Variants in ERG observed in about 807,000 individuals in gnomAD.
ERG encodes ETS transcription factor ERG, also known as transcriptional regulator ERG.
In ERG, 9 loss-of-function variants were observed where a neutral mutation model predicts 55.3. The observed-to-expected ratio is 0.16, with a 90% CI of 0.10 to 0.28. The LOEUF is 0.28. ERG is among the 10% of genes least tolerant of loss of function. The pLI, the probability that ERG is intolerant of heterozygous loss-of-function variation, is 1.00. For synonymous variants in ERG, 223 were observed against 237.3 expected, an observed-to-expected ratio of 0.94 and a Z score of 0.55; for missense variants, 434 against 631.6, an observed-to-expected ratio of 0.69 and a Z score of 3.35.
At chr21:38,628,571 G>C (rs752371414) in intron 1 of ERG, among the ~76,000 whole-genome samples, 1 of 152,186 alleles carries the variant, frequency 6.6e-6, no homozygotes, top group Non-Finnish European at 1.5e-5. Context: ...GGAGAAAAGA[G>C]AGAGCTGGCT....
intron 1 of ERG, among the ~76,000 whole-genome samples, chr21:38,464,260 C>T (rs768795268): frequency 4.6e-5 from 7 of 152,038 alleles, no homozygotes; most frequent in Non-Finnish European, 8.8e-5. Flanking sequence ...TTCTGGTTTC[C>T]GTGTTTTTCC....
chr21:38,589,604 G>A (rs749120572), upstream of ERG, among the ~76,000 whole-genome samples: 2 of 152,200 alleles, frequency 1.3e-5, no homozygotes, highest in Non-Finnish European at 2.9e-5. Context: ...GGACTTCTAG[G>A]AAAAGTGTTG....
intron 1 of ERG, among the ~76,000 whole-genome samples, chr21:38,486,179 C>T (rs543682926): frequency 1.3e-5 from 2 of 151,948 alleles, no homozygotes; most frequent in Non-Finnish European, 2.9e-5. Flanking sequence ...GTGATCTGCC[C>T]GCCTCAGCCT....
chr21:38,568,921 G>C (rs1013179877), intron 2 of ERG, among the ~76,000 whole-genome samples: 5 of 152,232 alleles, frequency 3.3e-5, no homozygotes, highest in Non-Finnish European at 5.9e-5. Flanking sequence ...CCTCTGCCAG[G>C]AGGCTTACAG....
chr21:38,647,514 T>A (rs965422157), intron 1 of ERG, among the ~76,000 whole-genome samples: 1 of 152,176 alleles, frequency 6.6e-6, no homozygotes, highest in African/African-American at 2.4e-5. Context: ...GTATTAAATT[T>A]TCATGTGAGG....
In ERG at chr21:38,528,136, G is replaced by A. The variant is rs549230993; in HGVS notation, c.-41+47526C>T. Reference sequence around the variant, plus strand: ...GCATCATCCCAATCTCTGCTTTTGCGTTCACATGGCCTTCTCCTCATATAC... The same window carrying A: ...GCATCATCCCAATCTCTGCTTTTGCATTCACATGGCCTTCTCCTCATATAC... On this transcript the variant is annotated intron_variant, in intron 2 of 8. Coordinates refer to the ERG transcript ENST00000398897. Among the ~76,000 whole-genome samples the A allele has an allele frequency of 1.4e-3, 189 of 135,294 alleles. 1 individual carries two copies. Among genetic ancestry groups the A allele is most frequent in the African/African-American group, 4.4e-3 (182 of 41,136 alleles). 88.8% of individuals were successfully genotyped at this position (135,294 alleles called of 152,430 possible).
At chr21:38,388,544 A>G (rs192052753) in intron 9 of ERG, among the ~76,000 whole-genome samples, 39 of 152,378 alleles carry the variant, frequency 2.6e-4, no homozygotes, top group African/African-American at 9.4e-4. Flanking sequence ...AAGCATTGTC[A>G]TTAATACAAA....
chr21:38,372,760 T>C, the ERG span, among the ~76,000 whole-genome samples: 3 of 152,116 alleles, frequency 2.0e-5, no homozygotes, highest in Non-Finnish European at 2.9e-5. Context: ...AGAATTTGTA[T>C]TTTTTAGTTG....
intron 1 of ERG, among the ~76,000 whole-genome samples, chr21:38,449,371 C>T (rs563976248): frequency 6.6e-6 from 1 of 152,202 alleles, no homozygotes; most frequent in Admixed American, 6.5e-5. Flanking sequence ...CAAATTACCC[C>T]CAAACAAAAG....
chr21:38,449,813 T>C (rs985084448), intron 1 of ERG, among the ~76,000 whole-genome samples: 1 of 152,200 alleles, frequency 6.6e-6, no homozygotes, highest in Non-Finnish European at 1.5e-5. Flanking sequence ...CCATCATACT[T>C]AACCTCTTTT....
rs1987459280 is a variant in ERG at position 38,381,948 on chromosome 21, A to G, written c.*1455T>C. On this transcript the variant is annotated 3_prime_UTR_variant, in exon 10 of 10. Coordinates refer to ENST00000288319, the MANE Select transcript of ERG (RefSeq NM_182918.4). ...CCTGGACAAAGTAAATTATAACACA[A>G]AATCCACAACATTCAGCACATGTTT... The G allele has an allele frequency of 9.4e-7, 1 of 1,062,914 alleles. No individual in the cohort carries two copies. 65.8% of individuals were successfully genotyped at this position (1,062,914 alleles called of 1,614,324 possible).
intron 2 of ERG, among the ~76,000 whole-genome samples, chr21:38,424,299 C>A (rs1210496201): frequency 6.6e-6 from 1 of 151,982 alleles, no homozygotes; most frequent in African/African-American, 2.4e-5. Flanking sequence ...CAGAGACTGG[C>A]CCTGCTGGTG....
intron 3 of ERG, among the ~76,000 whole-genome samples, chr21:38,413,767 GCT>G (rs1989160555): frequency 6.6e-6 from 1 of 152,012 alleles, no homozygotes; most frequent in Non-Finnish European, 1.5e-5. Flanking sequence ...CATTGTGTGT[GCT>G]CATCATGTTT....
At chr21:38,403,768 G>A (rs1463091702) in intron 3 of ERG, 59 bp from the exon 4 acceptor site, 6 of 1,526,080 alleles carry the variant, frequency 3.9e-6, no homozygotes, top group South Asian at 1.1e-5. Context: ...TCATCTTGGG[G>A]TAGATCCCCA....
At chr21:38,589,132 A>G (rs1306504341), upstream of ERG, among the ~76,000 whole-genome samples, 1 of 152,200 alleles carries the variant, frequency 6.6e-6, no homozygotes, top group African/African-American at 2.4e-5. Flanking sequence ...ACCACGTGTA[A>G]GCAGCAGTGA....
intron 3 of ERG, among the ~76,000 whole-genome samples, chr21:38,413,990 T>C (rs949301153): frequency 3.3e-5 from 5 of 152,222 alleles, no homozygotes; most frequent in Admixed American, 2.0e-4. Flanking sequence ...CGTAACCAAG[T>C]ACCACAAAAT....
chr21:38,493,336 A>G (rs1054373798), intron 1 of ERG, among the ~76,000 whole-genome samples: 2 of 152,216 alleles, frequency 1.3e-5, no homozygotes, highest in African/African-American at 2.4e-5. Context: ...TGTTAGTAAC[A>G]TGGGAAAATG....
At chr21:38,513,558 T>G (rs2059530354) in intron 2 of ERG, among the ~76,000 whole-genome samples, 2 of 152,222 alleles carry the variant, frequency 1.3e-5, no homozygotes, top group Admixed American at 6.5e-5. Context: ...AAAATCCTTC[T>G]GATTAGAGCA....
intron 2 of ERG, among the ~76,000 whole-genome samples, chr21:38,555,894 T>C (rs894619935): frequency 6.6e-6 from 1 of 152,178 alleles, no homozygotes; most frequent in South Asian, 2.1e-4. Flanking sequence ...AAATTGGAAA[T>C]ATATGTAAAA....
Sources: gnomAD v4.1 joint callset for allele counts (sites outside exome capture counted in the v4.1 genomes callset) on GRCh38, gnomAD v4.1.1 for gene constraint, MANE v1.5 for transcripts, NCBI Gene and HGNC (gene_info 2026-07-23, HGNC 2026-07-21) for gene names.